The following MACF1 variants were observed in gnomAD, a reference collection of about 807,000 sequenced individuals.
MACF1 encodes microtubule-actin cross-linking factor 1.
Under a neutral mutation model 854.8 loss-of-function variants are expected in MACF1, and 193 were observed. The ratio of observed to expected loss-of-function variants is 0.23; its 90% CI spans 0.20 to 0.25. The LOEUF is 0.25. Ranked by LOEUF, MACF1 falls within the 10% of genes least tolerant of loss-of-function variation. MACF1 has a pLI of 1.00. For missense variants in MACF1, 7,722 were observed against 8,929.1 expected (o/e 0.86, Z 5.45); for synonymous variants, 3,185 against 3,226.7 (o/e 0.99, Z 0.44).
chr1:39,138,110 T>C (rs1557476764), intron 2 of MACF1, among the ~76,000 whole-genome samples: 1 of 149,832 alleles, frequency 6.7e-6, no homozygotes, highest in Admixed American at 6.6e-5. Context: ...GAAACAGTAT[T>C]GGAAGCTTTA....
intron 2 of MACF1, among the ~76,000 whole-genome samples, chr1:39,091,705 T>C (rs1403560162): frequency 2.6e-5 from 4 of 152,144 alleles, no homozygotes; most frequent in South Asian, 4.1e-4. Flanking sequence ...TTTCACCTTG[T>C]TGGCCAGGAT....
At chr1:39,241,112 T>C (rs1644918078) in intron 2 of MACF1, among the ~76,000 whole-genome samples, 1 of 151,236 alleles carries the variant, frequency 6.6e-6, no homozygotes, top group African/African-American at 2.4e-5. Context: ...AATGAATCAA[T>C]ATCGGTTTCT....
chr1:39,254,482 C>A, intron 5 of MACF1, 107 bp downstream of exon 5: 2 of 942,744 alleles, frequency 2.1e-6, no homozygotes, highest in South Asian at 1.4e-5. Context: ...AATGCTAAAT[C>A]TGATTGACCC....
chr1:39,234,330 C>G (rs1195330750), intron 2 of MACF1, among the ~76,000 whole-genome samples: 1 of 151,796 alleles, frequency 6.6e-6, no homozygotes, highest in African/African-American at 2.4e-5. Context: ...GGGTGGTGGC[C>G]GGGCAGAGGG....
chr1:39,234,429 C>A (rs905552500), intron 2 of MACF1, among the ~76,000 whole-genome samples: 8 of 148,862 alleles, frequency 5.4e-5, no homozygotes, highest in African/African-American at 1.0e-4. Context: ...CTGACCCCCC[C>A]ACCTCCCTCC....
chr1:39,476,130 TATACTC>T (rs1192669917), intron 97 of MACF1, among the ~76,000 whole-genome samples: 2 of 152,228 alleles, frequency 1.3e-5, no homozygotes, highest in African/African-American at 2.4e-5. Flanking sequence ...GTAAATTTAA[TATACTC>T]ATATTATTTT....
rs748375771 is a variant in MACF1, at chr1:39,361,409, G to A, written c.12503G>A (p.Arg4168His). The change falls in exon 49 of 101, where the codon CGT becomes CAT. Residue 4168 changes from arginine to histidine, a missense_variant. Coordinates refer to ENST00000564288, the MANE Select transcript of MACF1 (RefSeq NM_001394062.1). The stretch of plus-strand genomic sequence containing the variant: ...CAAAAGAGCAGCTTGGAGGCCACCC[G>A]TGAGATGGTGACCCGATTCATGGAG... ...ARQKSSLEATREMVTRFMETA... is the reference protein window; with the variant it reads ...ARQKSSLEATHEMVTRFMETA... The A allele has an allele frequency of 9.9e-6, 16 of 1,614,076 alleles. No homozygotes were observed. In the Middle Eastern group the frequency reaches 1.3e-3, roughly 133 times the overall value.
Position 39,283,250 on chromosome 1 carries a change from G to A in MACF1, c.757G>A (p.Ala253Thr), listed in dbSNP as rs745662736. The change falls in exon 8 of 101, where the codon GCT becomes ACT. Residue 253 changes from alanine (A) to threonine (T), a missense_variant. Ala to Thr is a moderately conservative substitution (Grantham distance 58). Around this residue, in one of 15 missense-constraint regions of MACF1, gnomAD observed 108 missense variants for 196.4 expected, o/e 0.55. Transcript: ENST00000564288. This position sits in a 1 kb window ranked among gnomAD's most constrained non-coding sequence, Gnocchi z 4.5. ...IQSNRENLEQ[A>T]FEVAERLGVT... is the part of the protein sequence containing the mutation. ...AAGTAACCGAGAGAATCTGGAACAGGCTTTTGAAGTGGCAGAAAGACTGGG... is the reference window on the plus strand; with the variant it reads ...AAGTAACCGAGAGAATCTGGAACAGACTTTTGAAGTGGCAGAAAGACTGGG... 6.2e-7 allele frequency: 1 copy of A among 1,613,922 alleles called. No individual in the cohort carries two copies. The highest frequency in any genetic ancestry group is 1.7e-5 in the Admixed American group (1 of 60,002).
rs1188839648 is a variant in MACF1 at position 39,360,012 on chromosome 1, AATAT to A, written c.12245-743_12245-740del. Among the ~76,000 whole-genome samples the A allele has an allele frequency of 7.0e-3, 202 of 28,790 alleles. 1 individual carries two copies. Among genetic ancestry groups the A allele is most frequent in the South Asian group, 0.019 (10 of 518 alleles). 18.9% of individuals were successfully genotyped at this position (28,790 alleles called of 152,430 possible). A position where few individuals can be genotyped will look rare whatever the true frequency, so the allele number is the denominator to read the frequency against. On this transcript the variant is annotated intron_variant, in intron 47 of 100. Transcript: ENST00000564288. ...AAAAAAAAAAAAAAAAAAAAAAAAAAATATATATATATATATATATATATATATA... is the reference window on the plus strand; with the variant it reads ...AAAAAAAAAAAAAAAAAAAAAAAAAAATATATATATATATATATATATATA...
chr1:39,102,045 G>C (rs1017192004), intron 2 of MACF1, among the ~76,000 whole-genome samples: 1 of 151,460 alleles, frequency 6.6e-6, no homozygotes, highest in Non-Finnish European at 1.5e-5. Context: ...GCGAGGTGGC[G>C]GGCGCCTGTA....
rs372899294 is a variant in MACF1, at chr1:39,441,298, T to C, written c.18645T>C (p.Ala6215=). 1.2e-6 allele frequency: 2 copies of C among 1,614,138 alleles called. No individual in the cohort carries two copies. The highest frequency in any genetic ancestry group is 1.7e-6 in the Non-Finnish European group (2 of 1,180,006). The part of the protein sequence containing the change: ...RLEKLEDAMQ[A]AVQYQDTLQA... ...AAAAACTTGAGGATGCTATGCAAGC[T>C]GCTGTGCAGTATCAGGACACTCTTC... is the stretch of plus-strand genomic sequence containing the variant. The change falls in exon 74 of 101, where the codon GCT becomes GCC. Residue 6215 remains alanine, a synonymous_variant. Coordinates refer to ENST00000564288, the MANE Select transcript of MACF1 (RefSeq NM_001394062.1).
In MACF1 at chr1:39,452,770, T is replaced by TGATGACACA. The variant is rs1241727980; in HGVS notation, c.20703_20711dup (p.Asp6901_Thr6903dup). The TGATGACACA allele has an allele frequency of 6.2e-7, 1 of 1,614,032 alleles. No individual in the cohort carries two copies. Among genetic ancestry groups the TGATGACACA allele is most frequent in the Non-Finnish European group, 8.5e-7 (1 of 1,180,022 alleles). On this transcript the variant is annotated inframe_insertion, in exon 87 of 101. Transcript: ENST00000564288. ...CGCTTCGCTTTCGGGGAGCACTTCC[T>TGATGACACA]GATGACACAGAGGCCCTGCAGTCTC...
chr1:39,422,178 C>T (rs1472045474), intron 58 of MACF1, among the ~76,000 whole-genome samples, 196 bp from the exon 59 acceptor site: 5 of 152,184 alleles, frequency 3.3e-5, no homozygotes, highest in Non-Finnish European at 5.9e-5. Flanking sequence ...TCTGTAATTA[C>T]ATGTCCATAG....
intron 2 of MACF1, among the ~76,000 whole-genome samples, chr1:39,159,736 G>C (rs1643758530): frequency 6.6e-6 from 1 of 152,052 alleles, no homozygotes; most frequent in Non-Finnish European, 1.5e-5. Context: ...TTAATAAGTG[G>C]TTTTATTTCC....
At chr1:39,293,684 A>T in intron 18 of MACF1, 65 bp downstream of exon 18, 2 of 1,505,222 alleles carry the variant, frequency 1.3e-6, no homozygotes, top group Non-Finnish European at 1.8e-6. Context: ...GACAGGGCCT[A>T]GTCTGCTGAA....
intron 58 of MACF1, among the ~76,000 whole-genome samples, chr1:39,421,918 C>CA (rs1003909113): frequency 1.1e-4 from 17 of 151,852 alleles, no homozygotes; most frequent in African/African-American, 3.4e-4. Flanking sequence ...ACTAAAAATG[C>CA]AAAAAAATTA....
chr1:39,343,934 G>C (rs1646989444), intron 40 of MACF1, among the ~76,000 whole-genome samples: 1 of 151,966 alleles, frequency 6.6e-6, no homozygotes, highest in Non-Finnish European at 1.5e-5. Flanking sequence ...TGACCAACAA[G>C]AAGAAACCCC....
chr1:39,265,180 G>T (rs1043260601), intron 6 of MACF1, among the ~76,000 whole-genome samples: 1 of 152,134 alleles, frequency 6.6e-6, no homozygotes. Flanking sequence ...TAGACTTGAG[G>T]TTTACAGTTT....
intron 1 of MACF1, among the ~76,000 whole-genome samples, chr1:39,221,095 T>C (rs1644646688): frequency 6.6e-6 from 1 of 152,116 alleles, no homozygotes; most frequent in African/African-American, 2.4e-5. Flanking sequence ...AAAGGTATGT[T>C]TGGAAACAGT....
Sources: allele counts gnomAD v4.1 joint callset (sites outside exome capture counted in the v4.1 genomes callset), GRCh38; gene constraint gnomAD v4.1.1; regional missense constraint gnomAD v4.1.1; non-coding constraint Gnocchi (gnomAD v3.1); transcripts MANE v1.5; gene names NCBI Gene and HGNC (gene_info 2026-07-23, HGNC 2026-07-21).